RASSF3: variants seen among roughly 807,000 people sequenced by gnomAD.
RASSF3 encodes the protein ras association domain-containing protein 3.
Under a neutral mutation model 19.9 loss-of-function variants are expected in RASSF3, and 19 were observed. The ratio of observed to expected loss-of-function variants is 0.96; its 90% confidence interval spans 0.67 to 1.40. The LOEUF is 1.40. Among genes scored for constraint, RASSF3 ranks in the 40% most tolerant of loss-of-function variants. The probability of loss-of-function intolerance (pLI) is 0.00; values close to 1 mark genes in which losing one functional copy is unlikely to be tolerated. For synonymous variants in RASSF3, 110 were observed against 104.2 expected, an observed-to-expected ratio of 1.06 and a Z score of -0.34; for missense variants, 306 against 289.8, an observed-to-expected ratio of 1.06 and a Z score of -0.41.
intron 2 of RASSF3, among the ~76,000 whole-genome samples, chr12:64,594,513 C>A (rs574139268): frequency 6.6e-6 from 1 of 152,100 alleles, no homozygotes; most frequent in African/African-American, 2.4e-5. Context: ...AATGTATAAC[C>A]TTTACTTAAA....
chr12:64,672,779 A>G (rs1223478631), intron 1 of RASSF3, among the ~76,000 whole-genome samples: 1 of 152,196 alleles, frequency 6.6e-6, no homozygotes, highest in African/African-American at 2.4e-5. Flanking sequence ...CGCCTTCCAA[A>G]GTGCTGAGAT....
intron 1 of RASSF3, among the ~76,000 whole-genome samples, chr12:64,613,440 G>A (rs562301707): frequency 2.0e-5 from 3 of 151,984 alleles, no homozygotes; most frequent in African/African-American, 7.2e-5. Flanking sequence ...AAAACAAGAT[G>A]TTTGTGGTAA....
chr12:64,631,053 TCATGGG>T (rs1163760895), intron 1 of RASSF3, among the ~76,000 whole-genome samples: 2 of 152,070 alleles, frequency 1.3e-5, no homozygotes, highest in African/African-American at 4.8e-5. Context: ...TTCGTTGAAG[TCATGGG>T]CTTAGATGAA....
chr12:64,549,299 G>A (rs763634915), intron 2 of RASSF3, among the ~76,000 whole-genome samples: 1 of 152,130 alleles, frequency 6.6e-6, no homozygotes, highest in East Asian at 1.9e-4. Context: ...AGAAATTTGA[G>A]AACTGCCTGG....
intron 1 of RASSF3, among the ~76,000 whole-genome samples, chr12:64,528,220 C>T (rs1305785294): frequency 6.6e-6 from 1 of 152,138 alleles, no homozygotes; most frequent in Admixed American, 6.5e-5. Flanking sequence ...CTGCAGTGAG[C>T]CATGATCCCA....
At position 64,638,640 on chromosome 12, in the gene RASSF3, C is replaced by G. The variant is rs139392050; in HGVS notation, c.111+27897C>G. ...AGTCACCATCCAGTTTAAAAGAAAA[C>G]ATTGCATCATAGTTGAAGCCCTTGG... On this transcript the variant is annotated intron_variant, in intron 1 of 4. Transcript: ENST00000542104. 3.9e-4 allele frequency among the ~76,000 whole-genome samples: 59 copies of G among 150,296 alleles called. 1 individual carries two copies. In the East Asian group the frequency reaches 0.01, roughly 26 times the overall value.
chr12:64,598,608 A>ATC, intron 2 of RASSF3, among the ~76,000 whole-genome samples: 1 of 152,192 alleles, frequency 6.6e-6, no homozygotes, highest in South Asian at 2.1e-4. Context: ...GCCTCCACAG[A>ATC]AATTCTGAGG....
At chr12:64,605,603 A>G (rs1870176862), upstream of RASSF3, among the ~76,000 whole-genome samples, 1 of 152,088 alleles carries the variant, frequency 6.6e-6, no homozygotes, top group Non-Finnish European at 1.5e-5. Context: ...ACAAGGCAGT[A>G]TCTAGGCCGG....
In RASSF3 at chr12:64,641,966, TC is replaced by T. The variant is rs1405103889; in HGVS notation, c.111+31226del. Among the ~76,000 whole-genome samples, 4 of 152,062 alleles carry T rather than the reference TC, an allele frequency of 2.6e-5. No individual in the cohort carries two copies. The South Asian group carries it at 8.3e-4, about 32-fold the overall frequency. The stretch of plus-strand genomic sequence containing the variant: ...CATGTTGGTCAGGCTGGTCTCGAAC[TC>T]CCGACCTCAGGTGATCCGCCTATCT... On this transcript the variant is annotated intron_variant, in intron 1 of 4. Transcript: ENST00000542104.
rs538752906 is a variant in RASSF3 at position 64,687,607 on chromosome 12, A to G, written c.220-609A>G. Among the ~76,000 whole-genome samples the G allele has an allele frequency of 2.0e-4, 31 of 152,188 alleles. No individual in the cohort carries two copies. The South Asian group carries it at 6.2e-3, about 31-fold the overall frequency. On this transcript the variant is annotated intron_variant, in intron 2 of 4. Coordinates refer to ENST00000542104, the MANE Select transcript of RASSF3 (RefSeq NM_178169.4). The stretch of plus-strand genomic sequence containing the variant: ...GAATTTTTTTTTAAAATGCTGCTTA[A>G]GAGACCCGAAATGCATTCTATGCTG...
intron 2 of RASSF3, among the ~76,000 whole-genome samples, chr12:64,604,226 A>G (rs969452291): frequency 4.0e-5 from 6 of 151,584 alleles, no homozygotes; most frequent in East Asian, 3.9e-4. Context: ...CCCAGGCTCA[A>G]GCAATCCTCC....
chr12:64,566,691 C>A (rs1190485483), intron 2 of RASSF3, among the ~76,000 whole-genome samples: 1 of 152,134 alleles, frequency 6.6e-6, no homozygotes, highest in East Asian at 1.9e-4. Context: ...CGGGAATTTT[C>A]ATAGCTAGAG....
At chr12:64,658,520 C>A (rs1049244023) in intron 1 of RASSF3, among the ~76,000 whole-genome samples, 2 of 152,128 alleles carry the variant, frequency 1.3e-5, no homozygotes, top group Admixed American at 6.5e-5. Context: ...GAAGGAATTA[C>A]GGCAGGCACA....
At chr12:64,508,927 AT>A (rs1868310121) in intron 1 of RASSF3, among the ~76,000 whole-genome samples, 1 of 145,178 alleles carries the variant, frequency 6.9e-6, no homozygotes, top group Non-Finnish European at 1.5e-5. Context: ...CATGCAATTC[AT>A]TTAAAAAAAA....
downstream of RASSF3, among the ~76,000 whole-genome samples, chr12:64,545,770 A>T (rs10878189): frequency 6.6e-6 from 1 of 151,986 alleles, no homozygotes; most frequent in Non-Finnish European, 1.5e-5. Flanking sequence ...CTACAAAAAA[A>T]TTTAAAATGA....
At chr12:64,520,157 G>A (rs1868436572) in intron 1 of RASSF3, among the ~76,000 whole-genome samples, 1 of 147,088 alleles carries the variant, frequency 6.8e-6, no homozygotes, top group Non-Finnish European at 1.5e-5. Context: ...CAAGACATCT[G>A]CTCATTTCTG....
At chr12:64,568,277 C>T (rs751016089) in intron 2 of RASSF3, among the ~76,000 whole-genome samples, 1 of 152,214 alleles carries the variant, frequency 6.6e-6, no homozygotes, top group African/African-American at 2.4e-5. Context: ...AGATGATCCA[C>T]CTGCCTTGGC....
intron 2 of RASSF3, among the ~76,000 whole-genome samples, chr12:64,591,407 C>T (rs369371541): frequency 1.2e-4 from 18 of 151,554 alleles, no homozygotes; most frequent in East Asian, 9.7e-4. Flanking sequence ...ACCTGGGAGG[C>T]GGAGGTTGCA....
At chr12:64,522,360 G>A (rs1868496987) in intron 1 of RASSF3, among the ~76,000 whole-genome samples, 2 of 152,066 alleles carry the variant, frequency 1.3e-5, no homozygotes, top group South Asian at 4.2e-4. Context: ...GGGGGATGTG[G>A]GGAGAAATCA....
Sources: allele counts gnomAD v4.1 joint callset (sites outside exome capture counted in the v4.1 genomes callset), GRCh38; gene constraint gnomAD v4.1.1; transcripts MANE v1.5; gene names NCBI Gene and HGNC (gene_info 2026-07-23, HGNC 2026-07-21).